PABPC1: variants seen among roughly 807,000 people sequenced by gnomAD.
The protein encoded by PABPC1 is polyadenylate-binding protein 1.
PABPC1 carries 4 observed loss-of-function variants against 74.0 expected under a neutral mutation model. The observed-to-expected ratio is 0.05, with a 90% confidence interval of 0.03 to 0.12. The LOEUF is 0.12. PABPC1 is among the 10% of genes least tolerant of loss of function. The pLI is 1.00. For synonymous variants in PABPC1, 227 were observed against 264.1 expected (o/e 0.86, Z 1.36); for missense variants, 271 against 821.1 (o/e 0.33, Z 8.19).
chr8:100,712,117 T>A (rs775697273), intron 7 of PABPC1, among the ~76,000 whole-genome samples: 31 of 152,244 alleles, frequency 2.0e-4, no homozygotes, highest in Admixed American at 8.5e-4. Context: ...TTTAGCAAAA[T>A]GACTAGTTGT....
Position 100,721,354 on chromosome 8 carries a change from C to CCCGCCCGCCCGGCCGA in PABPC1, c.193+21_193+36dup, listed in dbSNP as rs754847753. The CCCGCCCGCCCGGCCGA allele has an allele frequency of 9.3e-5, 123 of 1,318,166 alleles. No individual in the cohort carries two copies. The East Asian group carries it at 4.0e-3, about 43-fold the overall frequency. The allele number at this position is 1,318,166 out of a possible 1,614,324, so 81.7% of individuals were successfully genotyped here. A position where few individuals can be genotyped will look rare whatever the true frequency, so the allele number is the denominator to read the frequency against. ...CGCCGCCGCCCGAGCCTCATGGCCG[C>CCCGCCCGCCCGGCCGA]CCGCCCGCCCGGCCGACCGCGGAGC... On this transcript the variant is annotated intron_variant, in intron 1 of 14. Transcript: ENST00000318607. The surrounding 1 kb of genome is among the most constrained non-coding windows in gnomAD (Gnocchi z 7.4).
rs1158677231 is a variant in PABPC1, at chr8:100,721,121, C to T, written c.193+270G>A. 3.9e-5 allele frequency among the ~76,000 whole-genome samples: 6 copies of T among 152,146 alleles called. No homozygotes were observed. Among genetic ancestry groups the T allele is most frequent in the Admixed American group, 3.3e-4 (5 of 15,284 alleles). On this transcript the variant is annotated intron_variant, in intron 1 of 14. Transcript: ENST00000318607. The surrounding 1 kb of genome is among the most constrained non-coding windows in gnomAD (Gnocchi z 7.4). The stretch of plus-strand genomic sequence containing the variant: ...AACCGAATCTCACCCACCCTCCCGG[C>T]GCGTCATCACCCTAAAGTTTGAGAG...
chr8:100,708,862 G>C (rs1810452574), intron 9 of PABPC1, among the ~76,000 whole-genome samples: 1 of 142,534 alleles, frequency 7.0e-6, no homozygotes, highest in Non-Finnish European at 1.5e-5. Flanking sequence ...TGGGGCAACA[G>C]AGCGAGACTC....
chr8:100,713,679 G>C (rs1182118145), intron 4 of PABPC1, among the ~76,000 whole-genome samples: 1 of 152,032 alleles, frequency 6.6e-6, no homozygotes, highest in Non-Finnish European at 1.5e-5. Flanking sequence ...GTAGAGATAG[G>C]GTCTTGCTAT....
At chr8:100,715,986 T>C (rs1810658845) in intron 3 of PABPC1, among the ~76,000 whole-genome samples, 1 of 152,240 alleles carries the variant, frequency 6.6e-6, no homozygotes, top group South Asian at 2.1e-4. Context: ...TGCCATCTCC[T>C]AGAATAAAAA....
chr8:100,706,311 T>A (rs1810377447), intron 11 of PABPC1, among the ~76,000 whole-genome samples: 2 of 152,260 alleles, frequency 1.3e-5, no homozygotes, highest in Admixed American at 1.3e-4. Context: ...TGCAGCTGTC[T>A]TCACATTTTT....
Position 100,709,531 on chromosome 8 carries a change from A to G in PABPC1, c.1173T>C (p.Ala391=). 3 of 1,614,244 alleles carry G rather than the reference A, an allele frequency of 1.9e-6. No individual in the cohort carries two copies. The highest frequency in any genetic ancestry group is 1.1e-5 in the South Asian group (1 of 91,086). The change falls in exon 8 of 15, where the codon GCT becomes GCC. Residue 391 remains alanine, a synonymous_variant. Transcript: ENST00000318607. ...AGGGGTTGATTACAGGGTTGGGAAC[A>G]GCTCGTACACTTGCCATTCTCTGCA... ...QYMQRMASVR[A]VPNPVINPYQ...
intron 12 of PABPC1, 76 bp from the exon 13 acceptor site, chr8:100,705,132 G>A: frequency 1.6e-6 from 2 of 1,222,494 alleles, no homozygotes; most frequent in Non-Finnish European, 2.3e-6. Flanking sequence ...ACATTAAACT[G>A]GGGTTTAAGA....
intron 7 of PABPC1, 121 bp from the exon 8 acceptor site, chr8:100,709,852 T>C: frequency 8.8e-7 from 1 of 1,136,242 alleles, no homozygotes; most frequent in Non-Finnish European, 1.2e-6. Flanking sequence ...TAATGCTTAA[T>C]CATCTTGTAT....
At position 100,721,806 on chromosome 8, in the gene PABPC1, G is replaced by A. The variant is rs1810842029; in HGVS notation, c.-223C>T. 1 of 417,498 alleles carries A rather than the reference G, an allele frequency of 2.4e-6. No individual in the cohort carries two copies. Among genetic ancestry groups the A allele is most frequent in the Non-Finnish European group, 4.3e-6 (1 of 234,170 alleles). The allele number at this position is 417,498 out of a possible 1,614,324, so 25.9% of individuals were successfully genotyped here. ...CGGGGAGCGAGGGTGGCGGTGTCGG[G>A]TCCGGGCAGCGGGAAGGCCTCGGTC... On this transcript the variant is annotated 5_prime_UTR_variant, in exon 1 of 15. Coordinates refer to ENST00000318607, the MANE Select transcript of PABPC1 (RefSeq NM_002568.4). This position sits in a 1 kb window ranked among gnomAD's most constrained non-coding sequence, Gnocchi z 7.4.
chr8:100,706,515 G>A (rs1810382601), intron 11 of PABPC1, 136 bp downstream of exon 11: 2 of 654,522 alleles, frequency 3.1e-6, no homozygotes, highest in East Asian at 6.3e-5. Context: ...CCAAACTCCT[G>A]GTCTCAAGCA....
intron 4 of PABPC1, among the ~76,000 whole-genome samples, chr8:100,713,433 A>G (rs923762576): frequency 2.0e-5 from 3 of 152,136 alleles, no homozygotes; most frequent in East Asian, 1.9e-4. Flanking sequence ...ACGGCTGTAA[A>G]AAGTTTTATT....
intron 7 of PABPC1, among the ~76,000 whole-genome samples, chr8:100,711,998 TA>T (rs1810539124): frequency 6.6e-6 from 1 of 152,236 alleles, no homozygotes; most frequent in African/African-American, 2.4e-5. Context: ...TTCTTACTGC[TA>T]GGGGGCAGGG....
chr8:100,704,192 C>T (rs1810321393), intron 14 of PABPC1, 105 bp downstream of exon 14: 3 of 823,356 alleles, frequency 3.6e-6, no homozygotes, highest in Admixed American at 2.0e-5. Flanking sequence ...TTTAAATGAA[C>T]TGTAAAATGA....
At chr8:100,720,659 T>C (rs945316050) in intron 1 of PABPC1, among the ~76,000 whole-genome samples, 1 of 152,202 alleles carries the variant, frequency 6.6e-6, no homozygotes, top group African/African-American at 2.4e-5. Context: ...GCCTTCAAAG[T>C]GGTCGGCTGC....
chr8:100,705,709 C>A (rs1018695879), intron 11 of PABPC1, 36 bp from the exon 12 acceptor site: 4 of 1,387,528 alleles, frequency 2.9e-6, no homozygotes, highest in African/African-American at 1.4e-5. Context: ...GTTTAAAGCA[C>A]AGAAAAAGAT....
chr8:100,720,329 C>T (rs986357999), intron 1 of PABPC1, among the ~76,000 whole-genome samples: 26 of 152,184 alleles, frequency 1.7e-4, no homozygotes, highest in African/African-American at 5.8e-4. Flanking sequence ...AAGTTAGCTG[C>T]ATTTCCCCCA....
intron 9 of PABPC1, 151 bp downstream of exon 9, chr8:100,708,982 A>T: frequency 1.5e-6 from 1 of 688,730 alleles, no homozygotes; most frequent in Non-Finnish European, 2.5e-6. Context: ...CTATCTTAGC[A>T]CTGCTTTTAA....
At chr8:100,706,467 T>C (rs1810381571) in intron 11 of PABPC1, among the ~76,000 whole-genome samples, 184 bp downstream of exon 11, 1 of 151,970 alleles carries the variant, frequency 6.6e-6, no homozygotes, top group Admixed American at 6.6e-5. Context: ...CTAGTTTTCT[T>C]TGTGGAGACA....
Sources: gnomAD v4.1 joint callset for allele counts (sites outside exome capture counted in the v4.1 genomes callset) on GRCh38, gnomAD v4.1.1 for gene constraint, Gnocchi (gnomAD v3.1) non-coding constraint, MANE v1.5 for transcripts, NCBI Gene and HGNC (gene_info 2026-07-23, HGNC 2026-07-21) for gene names.